Variants in ZNF638 observed in about 807,000 individuals in gnomAD.
ZNF638 encodes the protein zinc finger protein 638.
Under a neutral mutation model 195.6 loss-of-function variants are expected in ZNF638, and 46 were observed. That is an observed-to-expected ratio of 0.24 (90% CI 0.19 to 0.30). ZNF638 has a LOEUF of 0.30. Among genes scored for constraint, ZNF638 ranks in the 10% least tolerant of loss-of-function variants. The probability of loss-of-function intolerance (pLI) is 1.00; values close to 1 mark genes in which losing one functional copy is unlikely to be tolerated. For synonymous variants in ZNF638, 845 were observed against 772.0 expected (o/e 1.09, Z -1.57); for missense variants, 2,440 against 2,325.3 (o/e 1.05, Z -1.01).
chr2:71,386,020 TAAAA>T (rs997866176), intron 10 of ZNF638, among the ~76,000 whole-genome samples: 20 of 152,038 alleles, frequency 1.3e-4, no homozygotes, highest in Non-Finnish European at 1.5e-5. Flanking sequence ...ACTACCATAT[TAAAA>T]AAAGAACATA....
chr2:71,428,290 A>G (rs2080581187), intron 24 of ZNF638, among the ~76,000 whole-genome samples: 1 of 152,220 alleles, frequency 6.6e-6, no homozygotes, highest in Non-Finnish European at 1.5e-5. Context: ...AAAAACATTT[A>G]TGGACATCCT....
rs2080589585 is a variant in ZNF638 at position 71,428,635 on chromosome 2, C to T, written c.5634C>T (p.Ala1878=). 10 of 1,613,526 alleles carry T rather than the reference C, an allele frequency of 6.2e-6. No homozygotes were observed. Among genetic ancestry groups the T allele is most frequent in the Non-Finnish European group, 8.5e-6 (10 of 1,179,806 alleles). The change falls in exon 25 of 28, where the codon GCC becomes GCT. Residue 1878 remains alanine, a synonymous_variant. Transcript: ENST00000264447. ...CAGAACCAGCAAAAGGTGAAGAGGC[C>T]TTCCAGATGAGTGAAGGTAAAGCAG... is the stretch of plus-strand genomic sequence containing the variant. ...VVTEPAKGEE[A]FQMSEVDEES...
intron 3 of ZNF638, among the ~76,000 whole-genome samples, chr2:71,360,462 ATTC>A (rs559930408): frequency 6.9e-4 from 103 of 149,972 alleles, no homozygotes; most frequent in Non-Finnish European, 1.3e-3. Flanking sequence ...GCCTTTTATA[ATTC>A]TTCTTGTTTG....
rs2080052907 is a variant in ZNF638, at chr2:71,403,840, T to C, written c.2830-30T>C. 10 of 1,463,672 alleles carry C rather than the reference T, an allele frequency of 6.8e-6. No individual in the cohort carries two copies. The East Asian group carries it at 2.4e-4, about 35-fold the overall frequency. 90.7% of individuals were successfully genotyped at this position (1,463,672 alleles called of 1,614,324 possible). On this transcript the variant is annotated intron_variant, in intron 16 of 27. Coordinates refer to ENST00000264447, the MANE Select transcript of ZNF638 (RefSeq NM_014497.5). Reference sequence around the variant, plus strand: ...TTTGAGAAAAAGTAACATAAGATTTTTCTTGTTACCTTAATTTCTGTTTTA... The same window carrying C: ...TTTGAGAAAAAGTAACATAAGATTTCTCTTGTTACCTTAATTTCTGTTTTA...
At position 71,406,006 on chromosome 2, in the gene ZNF638, A is replaced by G. The variant is rs899772629; in HGVS notation, c.3001-122A>G. The G allele has an allele frequency of 3.4e-6, 4 of 1,179,458 alleles. No homozygotes were observed. In the Admixed American group the frequency reaches 9.0e-5, roughly 27 times the overall value. 73.1% of individuals were successfully genotyped at this position (1,179,458 alleles called of 1,614,324 possible). ...CCTCACTGTCTTCCCCCATGTAGTC[A>G]TTTTCTTACTCTTGGGAGAGAACAT... On this transcript the variant is annotated intron_variant, in intron 18 of 27. Transcript: ENST00000264447.
chr2:71,372,872 A>G (rs901812950), intron 8 of ZNF638, among the ~76,000 whole-genome samples: 10 of 152,172 alleles, frequency 6.6e-5, no homozygotes, highest in East Asian at 5.8e-4. Flanking sequence ...TAACTTCTCT[A>G]TAGTGTTTCT....
rs1303543288 is a variant in ZNF638 at position 71,349,239 on chromosome 2, G to A, written c.285G>A (p.Lys95=). The part of the protein sequence containing the change: ...EKLDFHEAQQ[K]KGKPHGSRWD... ...TGGATTTTCATGAAGCACAACAGAAGAAGGGGAAGCCTCATGGTAGCCGGT... is the reference window on the plus strand; with the variant it reads ...TGGATTTTCATGAAGCACAACAGAAAAAGGGGAAGCCTCATGGTAGCCGGT... Residue 95 remains lysine, a synonymous_variant, in exon 2 of 28, where the codon AAG becomes AAA. Coordinates refer to ENST00000264447, the MANE Select transcript of ZNF638 (RefSeq NM_014497.5). The A allele has an allele frequency of 6.2e-7, 1 of 1,614,058 alleles. No homozygotes were observed. The highest frequency in any genetic ancestry group is 8.5e-7 in the Non-Finnish European group (1 of 1,180,046).
intron 23 of ZNF638, among the ~76,000 whole-genome samples, chr2:71,425,851 G>C (rs1276195544): frequency 1.3e-5 from 2 of 152,056 alleles, no homozygotes; most frequent in Non-Finnish European, 2.9e-5. Flanking sequence ...TTTTAGTAGA[G>C]CTGGGGTTTC....
At chr2:71,406,868 C>T (rs1029007055) in intron 19 of ZNF638, among the ~76,000 whole-genome samples, 1 of 151,980 alleles carries the variant, frequency 6.6e-6, no homozygotes, top group Non-Finnish European at 1.5e-5. Context: ...GGCATGGTGA[C>T]GTGTGCCTCT....
intron 1 of ZNF638, among the ~76,000 whole-genome samples, chr2:71,335,931 C>T (rs1212046680): frequency 2.0e-5 from 3 of 152,132 alleles, no homozygotes; most frequent in Non-Finnish European, 4.4e-5. Context: ...TAATTGGTTA[C>T]GATTGATAAC....
intron 2 of ZNF638, among the ~76,000 whole-genome samples, chr2:71,355,453 C>A (rs566560355): frequency 6.6e-6 from 1 of 152,144 alleles, no homozygotes; most frequent in South Asian, 2.1e-4. Context: ...ATATTGATTT[C>A]AAAATGAGCA....
chr2:71,434,215 G>C (rs2080721516), intron 27 of ZNF638, among the ~76,000 whole-genome samples: 1 of 152,126 alleles, frequency 6.6e-6, no homozygotes, highest in Admixed American at 6.5e-5. Context: ...TCTCTGTTCT[G>C]TTTTTCATAC....
chr2:71,370,334 C>A (rs2079286494), intron 8 of ZNF638, among the ~76,000 whole-genome samples: 1 of 152,122 alleles, frequency 6.6e-6, no homozygotes, highest in African/African-American at 2.4e-5. Context: ...AATTCTTACA[C>A]CCTCCCTTCT....
intron 24 of ZNF638, among the ~76,000 whole-genome samples, chr2:71,428,301 G>C (rs1349167689): frequency 6.6e-6 from 1 of 152,086 alleles, no homozygotes; most frequent in Non-Finnish European, 1.5e-5. Context: ...TGGACATCCT[G>C]GGAAAAGAAG....
At chr2:71,353,039 C>T (rs946669567) in intron 2 of ZNF638, among the ~76,000 whole-genome samples, 1 of 151,752 alleles carries the variant, frequency 6.6e-6, no homozygotes, top group African/African-American at 2.4e-5. Context: ...TTCGATGGTA[C>T]ACACTGCCTC....
intron 20 of ZNF638, among the ~76,000 whole-genome samples, chr2:71,409,017 AGTT>A (rs1464811224): frequency 6.6e-6 from 1 of 152,160 alleles, no homozygotes; most frequent in Non-Finnish European, 1.5e-5. Flanking sequence ...ATTTTTAAAA[AGTT>A]GTCATTTATA....
intron 8 of ZNF638, among the ~76,000 whole-genome samples, chr2:71,374,532 C>T (rs2079382931): frequency 6.6e-6 from 1 of 152,038 alleles, no homozygotes. Context: ...GTTTTAGAAT[C>T]AGTTTAAGTT....
chr2:71,431,596 A>G (rs532163156), intron 26 of ZNF638, among the ~76,000 whole-genome samples, 168 bp downstream of exon 26: 7 of 152,234 alleles, frequency 4.6e-5, no homozygotes, highest in Admixed American at 2.0e-4. Context: ...CGTCAGTACT[A>G]AAAGGTACAA....
At chr2:71,363,290 A>C in intron 4 of ZNF638, 99 bp downstream of exon 4, 1 of 935,074 alleles carries the variant, frequency 1.1e-6, no homozygotes, top group Non-Finnish European at 1.6e-6. Flanking sequence ...TACTTCTGCC[A>C]TTTAAACAAC....
Sources: gnomAD v4.1 joint callset for allele counts (sites outside exome capture counted in the v4.1 genomes callset) on GRCh38, gnomAD v4.1.1 for gene constraint, MANE v1.5 for transcripts, NCBI Gene and HGNC (gene_info 2026-07-23, HGNC 2026-07-21) for gene names.